CLSTN2: variants seen among roughly 807,000 people sequenced by gnomAD.
CLSTN2 encodes calsyntenin-2.
In CLSTN2, 48 loss-of-function variants were observed where a neutral mutation model predicts 101.2. That is an observed-to-expected ratio of 0.47 (90% CI 0.38 to 0.60). The LOEUF (loss-of-function observed/expected upper bound fraction) is 0.60. Ranked by LOEUF, CLSTN2 falls within the 20% of genes least tolerant of loss-of-function variation. The pLI is 0.00. For missense variants in CLSTN2, 1,160 were observed against 1,238.2 expected, an observed-to-expected ratio of 0.94 and a Z score of 0.95; for synonymous variants, 481 against 463.6, an observed-to-expected ratio of 1.04 and a Z score of -0.48.
intron 8 of CLSTN2, among the ~76,000 whole-genome samples, chr3:140,469,498 A>G (rs1407541244): frequency 1.3e-5 from 2 of 152,178 alleles, no homozygotes; most frequent in Non-Finnish European, 2.9e-5. Context: ...CTTGATGCCC[A>G]GAATGTGCAT....
intron 1 of CLSTN2, among the ~76,000 whole-genome samples, chr3:140,132,869 A>C (rs562583964): frequency 1.3e-5 from 2 of 152,172 alleles, no homozygotes; most frequent in Non-Finnish European, 2.9e-5. Context: ...GTTTTGTCTA[A>C]GATATTGTAT....
intron 2 of CLSTN2, among the ~76,000 whole-genome samples, chr3:140,344,400 T>C (rs1003914724): frequency 3.3e-5 from 5 of 152,182 alleles, no homozygotes; most frequent in African/African-American, 9.7e-5. Context: ...ACAAGTTGTA[T>C]TGCCACTCCA....
chr3:140,208,445 TTTTG>T (rs2010811838), intron 2 of CLSTN2, among the ~76,000 whole-genome samples: 1 of 152,238 alleles, frequency 6.6e-6, no homozygotes, highest in Admixed American at 6.5e-5. Flanking sequence ...ATGATTAATT[TTTTG>T]TTTATTTTAG....
chr3:140,268,769 G>A (rs2086716890), intron 2 of CLSTN2, among the ~76,000 whole-genome samples: 1 of 152,168 alleles, frequency 6.6e-6, no homozygotes, highest in African/African-American at 2.4e-5. Flanking sequence ...GCAGTGGGCA[G>A]TGGCAGTATA....
intron 1 of CLSTN2, among the ~76,000 whole-genome samples, chr3:140,077,801 T>A (rs1200133480): frequency 1.3e-5 from 2 of 152,232 alleles, no homozygotes; most frequent in Non-Finnish European, 2.9e-5. Context: ...CAGTATCAAA[T>A]GCTCACTTTG....
At chr3:140,288,774 G>T (rs531517703) in intron 2 of CLSTN2, among the ~76,000 whole-genome samples, 2 of 152,274 alleles carry the variant, frequency 1.3e-5, no homozygotes, top group South Asian at 4.1e-4. Context: ...ATGACTGTGA[G>T]CCAGGCTGGG....
intron 2 of CLSTN2, among the ~76,000 whole-genome samples, chr3:140,227,870 C>T (rs551593192): frequency 6.6e-6 from 1 of 152,176 alleles, no homozygotes; most frequent in Non-Finnish European, 1.5e-5. Context: ...GCTGGAGTGG[C>T]TGGGACACAG....
At chr3:140,438,400 C>G (rs1416746935) in intron 5 of CLSTN2, among the ~76,000 whole-genome samples, 1 of 127,828 alleles carries the variant, frequency 7.8e-6, no homozygotes, top group African/African-American at 3.3e-5. Flanking sequence ...ATCCTGCACT[C>G]CAGTACCACC....
chr3:140,435,563 C>A (rs2088676775), intron 5 of CLSTN2, among the ~76,000 whole-genome samples: 2 of 152,176 alleles, frequency 1.3e-5, no homozygotes, highest in African/African-American at 4.8e-5. Flanking sequence ...CACTTGATTT[C>A]TTTTCTTTGG....
In CLSTN2 at chr3:140,352,545, G is replaced by A. The variant is rs150302452; in HGVS notation, c.233-51084G>A. 5.3e-5 allele frequency among the ~76,000 whole-genome samples: 8 copies of A among 152,328 alleles called. No individual in the cohort carries two copies. In the East Asian group the frequency reaches 5.8e-4, roughly 11 times the overall value. On this transcript the variant is annotated intron_variant, in intron 2 of 16. Transcript: ENST00000458420. Reference sequence around the variant, plus strand: ...GTAAACAAGGGCACAGTAAATGTACGTTACAGTAGAGCTGCTTGGGTTAGC... The same window carrying A: ...GTAAACAAGGGCACAGTAAATGTACATTACAGTAGAGCTGCTTGGGTTAGC...
At chr3:140,061,369 GC>G (rs2008201223) in intron 1 of CLSTN2, among the ~76,000 whole-genome samples, 1 of 152,270 alleles carries the variant, frequency 6.6e-6, no homozygotes, top group African/African-American at 2.4e-5. Context: ...AAATCAAACA[GC>G]CCAGTACTGC....
chr3:140,448,312 A>G (rs996667829), intron 5 of CLSTN2, among the ~76,000 whole-genome samples: 1 of 152,152 alleles, frequency 6.6e-6, no homozygotes, highest in Non-Finnish European at 1.5e-5. Flanking sequence ...AGCTGGGTGC[A>G]GTTTTCTGTG....
intron 2 of CLSTN2, among the ~76,000 whole-genome samples, chr3:140,369,612 C>T (rs1286293915): frequency 6.6e-6 from 1 of 152,122 alleles, no homozygotes; most frequent in East Asian, 1.9e-4. Flanking sequence ...ATGGTCCTTT[C>T]AACTTCTGCT....
chr3:140,460,557 T>C (rs1228401485), intron 7 of CLSTN2, among the ~76,000 whole-genome samples: 1 of 152,232 alleles, frequency 6.6e-6, no homozygotes, highest in Non-Finnish European at 1.5e-5. Context: ...AAAAGCCTTA[T>C]TGTTTTTGCC....
At chr3:140,284,892 T>C (rs2086881845) in intron 2 of CLSTN2, among the ~76,000 whole-genome samples, 1 of 152,074 alleles carries the variant, frequency 6.6e-6, no homozygotes, top group Non-Finnish European at 1.5e-5. Context: ...CCCTTCCTGA[T>C]AGCTCCCTGA....
rs183276555 is a variant in CLSTN2, at chr3:140,217,658, C to T, written c.232+41585C>T. ...TGCTGTCTTGAGAAAGGGTTGACGT[C>T]CTAGGATTTGTGGCATATATGACAC... On this transcript the variant is annotated intron_variant, in intron 2 of 16. Coordinates refer to ENST00000458420, the MANE Select transcript of CLSTN2 (RefSeq NM_022131.3). Among the ~76,000 whole-genome samples the T allele has an allele frequency of 6.1e-4, 93 of 152,300 alleles. 1 individual carries two copies. The highest frequency in any genetic ancestry group is 1.7e-3 in the South Asian group (8 of 4,830).
At chr3:140,448,773 C>T in intron 6 of CLSTN2, 69 bp downstream of exon 6, 2 of 1,337,072 alleles carry the variant, frequency 1.5e-6, no homozygotes, top group Non-Finnish European at 2.1e-6. Flanking sequence ...AAAAGCATAT[C>T]TTATTGTCTT....
chr3:140,013,094 T>G (rs888267046), intron 1 of CLSTN2, among the ~76,000 whole-genome samples: 1 of 152,176 alleles, frequency 6.6e-6, no homozygotes, highest in African/African-American at 2.4e-5. Flanking sequence ...GGAGCAGCTA[T>G]AGGGAGAGAC....
chr3:140,532,779 G>C (rs543988326), intron 9 of CLSTN2, among the ~76,000 whole-genome samples: 1 of 152,118 alleles, frequency 6.6e-6, no homozygotes, highest in Non-Finnish European at 1.5e-5. Context: ...TTTCCAAACT[G>C]GGGCAATGCA....
Sources: allele counts gnomAD v4.1 joint callset (sites outside exome capture counted in the v4.1 genomes callset), GRCh38; gene constraint gnomAD v4.1.1; transcripts MANE v1.5; gene names NCBI Gene and HGNC (gene_info 2026-07-23, HGNC 2026-07-21).